RRP1B: variants seen among roughly 807,000 people sequenced by gnomAD.
RRP1B encodes ribosomal RNA processing 1B.
Under a neutral mutation model 80.2 loss-of-function variants are expected in RRP1B, and 56 were observed. That is an observed-to-expected ratio of 0.70 (90% confidence interval 0.56 to 0.87). The LOEUF (loss-of-function observed/expected upper bound fraction) is 0.87, where lower values mean the gene tolerates loss of function less well. Among genes scored for constraint, RRP1B ranks in the 40% least tolerant of loss-of-function variants. RRP1B has a pLI of 0.00. For missense variants in RRP1B, 807 were observed against 939.8 expected, an observed-to-expected ratio of 0.86 and a Z score of 1.85; for synonymous variants, 351 against 357.6, an observed-to-expected ratio of 0.98 and a Z score of 0.21.
At chr21:43,689,787 G>A (rs868322203) in intron 13 of RRP1B, among the ~76,000 whole-genome samples, 4 of 152,232 alleles carry the variant, frequency 2.6e-5, no homozygotes, top group Non-Finnish European at 5.9e-5. Context: ...TGTCGGCAGC[G>A]GCACTGGGCT....
At chr21:43,685,627 TG>T in intron 10 of RRP1B, 142 bp from the exon 11 acceptor site, 1 of 576,080 alleles carries the variant, frequency 1.7e-6, no homozygotes, top group Non-Finnish European at 2.6e-6. Flanking sequence ...CCTCCCCTCC[TG>T]GAGGAGAACG....
Position 43,676,313 on chromosome 21 carries a change from C to G in RRP1B, c.591C>G (p.Cys197Trp). ...ATCTCAAGTTTATCGATCCATTCTG[C>G]AAAATTGCTGCGAAGACGAAGGAGT... ...DQNLKFIDPF[C>W]KIAAKTKDHT... Residue 197 changes from cysteine to tryptophan, a missense_variant, in exon 7 of 16, where the codon TGC becomes TGG. By Grantham distance (215) the Cys-to-Trp change is radical. Transcript: ENST00000340648. 1 of 1,613,018 alleles carries G rather than the reference C, an allele frequency of 6.2e-7. No homozygotes were observed. The highest frequency in any genetic ancestry group is 8.5e-7 in the Non-Finnish European group (1 of 1,179,234).
chr21:43,671,595 T>C (rs2147164680), intron 2 of RRP1B, among the ~76,000 whole-genome samples: 1 of 152,226 alleles, frequency 6.6e-6, no homozygotes, highest in East Asian at 1.9e-4. Flanking sequence ...GTTGAACTCC[T>C]GGACTCGAGC....
Position 43,676,761 on chromosome 21 carries a change from G to A in RRP1B, c.643G>A (p.Gly215Ser). ...DHTLVQTIAR[G>S]VFEAIVDQSP... ...CACCCTGGTACAGACCATAGCTCGG[G>A]GTGTCTTCGAAGCTATCGTAGATCA... Residue 215 changes from glycine to serine, a missense_variant, in exon 8 of 16, where the codon GGT becomes AGT. Gly to Ser is a moderately conservative substitution (Grantham distance 56). Transcript: ENST00000340648. 1 of 1,614,172 alleles carries A rather than the reference G, an allele frequency of 6.2e-7. No homozygotes were observed. Among genetic ancestry groups the A allele is most frequent in the Non-Finnish European group, 8.5e-7 (1 of 1,180,022 alleles).
intron 12 of RRP1B, 110 bp downstream of exon 12, chr21:43,687,045 C>T: frequency 8.1e-7 from 1 of 1,237,334 alleles, no homozygotes; most frequent in Admixed American, 2.3e-5. Context: ...TTAGCAGAGC[C>T]CAAAGCTTCA....
chr21:43,667,710 G>A (rs1472590377), intron 1 of RRP1B, among the ~76,000 whole-genome samples: 1 of 152,156 alleles, frequency 6.6e-6, no homozygotes, highest in Non-Finnish European at 1.5e-5. Context: ...GACCGCAGTT[G>A]GCTCAGCTCT....
chr21:43,688,867 G>A (rs2083075113), intron 13 of RRP1B, among the ~76,000 whole-genome samples: 1 of 152,180 alleles, frequency 6.6e-6, no homozygotes, highest in African/African-American at 2.4e-5. Flanking sequence ...TCGGCTCACT[G>A]CAACCTCCAC....
intron 8 of RRP1B, among the ~76,000 whole-genome samples, chr21:43,681,506 C>T (rs575577492): frequency 6.6e-6 from 1 of 152,244 alleles, no homozygotes; most frequent in African/African-American, 2.4e-5. Flanking sequence ...CAGGCATGCA[C>T]CACCATGCTT....
At chr21:43,675,004 A>C in intron 5 of RRP1B, 30 bp from the exon 6 acceptor site, 1 of 1,612,696 alleles carries the variant, frequency 6.2e-7, no homozygotes, top group Middle Eastern at 1.7e-4. Context: ...GCATACTGTC[A>C]TTCACAGAAG....
intron 8 of RRP1B, among the ~76,000 whole-genome samples, chr21:43,679,105 A>G (rs1245629427): frequency 1.3e-5 from 2 of 152,110 alleles, no homozygotes; most frequent in Non-Finnish European, 2.9e-5. Flanking sequence ...CCATTGGTCT[A>G]CATGCCTATT....
In RRP1B at chr21:43,696,070, T is replaced by C. The variant is rs896299298; in HGVS notation, c.*2687T>C. 18 of 152,296 alleles carry C rather than the reference T, an allele frequency of 1.2e-4. No homozygotes were observed. Among genetic ancestry groups the C allele is most frequent in the African/African-American group, 4.1e-4 (17 of 41,566 alleles). The allele number at this position is 152,296 out of a possible 1,614,324, so 9.4% of individuals were successfully genotyped here. ...AAGTCCAATTAAAAAAAAAAGTCTTTGCCCTCCAATTTGTGTTTGATGTTG... is the reference window on the plus strand; with the variant it reads ...AAGTCCAATTAAAAAAAAAAGTCTTCGCCCTCCAATTTGTGTTTGATGTTG... On this transcript the variant is annotated 3_prime_UTR_variant, in exon 16 of 16. Coordinates refer to ENST00000340648, the MANE Select transcript of RRP1B (RefSeq NM_015056.3).
At chr21:43,677,058 A>G in intron 8 of RRP1B, 144 bp downstream of exon 8, 1 of 805,740 alleles carries the variant, frequency 1.2e-6, no homozygotes, top group Non-Finnish European at 1.9e-6. Flanking sequence ...GAAAGGCAGC[A>G]GAGGTGGGTT....
chr21:43,686,885 A>T lies in RRP1B; in HGVS notation c.1091A>T (p.Lys364Met). 1.2e-6 allele frequency: 2 copies of T among 1,614,102 alleles called. No homozygotes were observed. Among genetic ancestry groups the T allele is most frequent in the Non-Finnish European group, 1.7e-6 (2 of 1,179,984 alleles). ...CAAATCCTCAGTCAAGGAAAGCATA[A>T]GAAGAAAGGAAATAAACTTTTAGAG... ...DDQILSQGKH[K>M]KKGNKLLEKT... The change falls in exon 12 of 16, where the codon AAG (lysine) becomes ATG (methionine). Residue 364 changes from lysine (K) to methionine (M), a missense_variant. Lys to Met is a moderately conservative substitution (Grantham distance 95, BLOSUM62 -1). Transcript: ENST00000340648.
In RRP1B at chr21:43,659,847, C is replaced by A; in HGVS notation, c.130+53C>A. 1 of 1,464,076 alleles carries A rather than the reference C, an allele frequency of 6.8e-7. No homozygotes were observed. The highest frequency in any genetic ancestry group is 1.3e-5 in the South Asian group (1 of 74,410). The allele number at this position is 1,464,076 out of a possible 1,614,324, so 90.7% of individuals were successfully genotyped here. A position where few individuals can be genotyped will look rare whatever the true frequency, so the allele number is the denominator to read the frequency against. On this transcript the variant is annotated intron_variant, in intron 1 of 15. Transcript: ENST00000340648. The surrounding 1 kb of genome is among the most constrained non-coding windows in gnomAD (Gnocchi z 4.2). ...CCACATGGCGGGCCGGGGGCCGGGGCTGGGGCTAGGGCCAGGGCCCCGGCA... is the reference window on the plus strand; with the variant it reads ...CCACATGGCGGGCCGGGGGCCGGGGATGGGGCTAGGGCCAGGGCCCCGGCA...
Position 43,693,135 on chromosome 21 carries a change from G to A in RRP1B, c.2084-55G>A, listed in dbSNP as rs1601763700. 3.2e-6 allele frequency: 5 copies of A among 1,586,416 alleles called. No individual in the cohort carries two copies. The highest frequency in any genetic ancestry group is 4.3e-6 in the Non-Finnish European group (5 of 1,158,936). ...CAGGCAGGACGCTGTCTAAGGTGTT[G>A]AAGGGACAGCTGTCGGACCCACTTA... On this transcript the variant is annotated intron_variant, in intron 15 of 15. Coordinates refer to ENST00000340648, the MANE Select transcript of RRP1B (RefSeq NM_015056.3). The surrounding 1 kb of genome is among the most constrained non-coding windows in gnomAD (Gnocchi z 4.1).
chr21:43,688,476 G>A (rs577826144), intron 13 of RRP1B, among the ~76,000 whole-genome samples: 1 of 152,184 alleles, frequency 6.6e-6, no homozygotes, highest in East Asian at 1.9e-4. Context: ...GCTTGGGTTC[G>A]GGAGGGCCCA....
At position 43,685,800 on chromosome 21, in the gene RRP1B, C is replaced by T. The variant is rs899362366; in HGVS notation, c.1009+11C>T. 6 of 1,588,072 alleles carry T rather than the reference C, an allele frequency of 3.8e-6. No individual in the cohort carries two copies. The highest frequency in any genetic ancestry group is 1.2e-5 in the South Asian group (1 of 85,194). ...AAGACCTTTCTGAAGGTGAGGCGCG[C>T]CAAGAATCATCATTCATGGTGTTTT... On this transcript the variant is annotated intron_variant, in intron 11 of 15. Coordinates refer to ENST00000340648, the MANE Select transcript of RRP1B (RefSeq NM_015056.3).
chr21:43,682,563 C>T (rs551329955), intron 8 of RRP1B, among the ~76,000 whole-genome samples: 1 of 152,218 alleles, frequency 6.6e-6, no homozygotes, highest in Non-Finnish European at 1.5e-5. Flanking sequence ...AGGTCCTAAA[C>T]TGACCTGAGA....
In RRP1B at chr21:43,685,718, T is replaced by C. The variant is rs556075555; in HGVS notation, c.990-52T>C. The C allele has an allele frequency of 3.8e-6, 5 of 1,316,064 alleles. No homozygotes were observed. The East Asian group carries it at 1.0e-4, about 28-fold the overall frequency. The allele number at this position is 1,316,064 out of a possible 1,614,324, so 81.5% of individuals were successfully genotyped here. A position where few individuals can be genotyped will look rare whatever the true frequency, so the allele number is the denominator to read the frequency against. On this transcript the variant is annotated intron_variant, in intron 10 of 15. Transcript: ENST00000340648. The stretch of plus-strand genomic sequence containing the variant: ...CTACAGAAGACAGAAGGGATTTCTT[T>C]ATGAACATTTGTTATTTTTTTATTT...
Sources: gnomAD v4.1 joint callset for allele counts (sites outside exome capture counted in the v4.1 genomes callset) on GRCh38, gnomAD v4.1.1 for gene constraint, Gnocchi (gnomAD v3.1) non-coding constraint, MANE v1.5 for transcripts, NCBI Gene and HGNC (gene_info 2026-07-23, HGNC 2026-07-21) for gene names.